DENND2B: variants seen among roughly 807,000 people sequenced by gnomAD.
DENND2B encodes DENN domain-containing protein 2B.
A neutral mutation model predicts 116.0 loss-of-function variants in DENND2B; 32 were observed. The ratio of observed to expected loss-of-function variants is 0.28; its 90% CI spans 0.21 to 0.37. The LOEUF (loss-of-function observed/expected upper bound fraction) is 0.37, where lower values mean the gene tolerates loss of function less well. Among genes scored for constraint, DENND2B ranks in the 10% least tolerant of loss-of-function variants. The pLI, the probability that DENND2B is intolerant of heterozygous loss-of-function variation, is 1.00. For synonymous variants in DENND2B, 588 were observed against 583.9 expected (o/e 1.01, Z -0.10); for missense variants, 1,276 against 1,477.7 (o/e 0.86, Z 2.24).
chr11:8,893,971 G>A (rs1333617917), intron 1 of DENND2B, among the ~76,000 whole-genome samples: 2 of 152,066 alleles, frequency 1.3e-5, no homozygotes, highest in Non-Finnish European at 2.9e-5. Flanking sequence ...CAAAGCTGGA[G>A]GCATCATGCT....
chr11:8,715,627 G>A lies in DENND2B; in HGVS notation c.1821C>T (p.Ser607=). 1 of 1,613,244 alleles carries A rather than the reference G, an allele frequency of 6.2e-7. No individual in the cohort carries two copies. Among genetic ancestry groups the A allele is most frequent in the Non-Finnish European group, 8.5e-7 (1 of 1,179,472 alleles). ...SLSTTSELLS[S]RRARRIPKLV... is the part of the protein sequence containing the mutation. ...CCTTGGGAATGCGGCGGGCCCGGCGGCTGGACAGCAGCTCGCTGGTGGTGC... is the reference window on the plus strand; with the variant it reads ...CCTTGGGAATGCGGCGGGCCCGGCGACTGGACAGCAGCTCGCTGGTGGTGC... Residue 607 remains serine, a synonymous_variant, in exon 6 of 20, where the codon AGC becomes AGT. Transcript: ENST00000313726.
At chr11:8,770,202 T>C (rs748722006) in intron 1 of DENND2B, among the ~76,000 whole-genome samples, 1 of 152,204 alleles carries the variant, frequency 6.6e-6, no homozygotes, top group Non-Finnish European at 1.5e-5. Flanking sequence ...TAGAGTACTT[T>C]ATACTTTTCA....
chr11:8,896,139 C>T (rs1423307811), intron 1 of DENND2B, among the ~76,000 whole-genome samples: 1 of 152,010 alleles, frequency 6.6e-6, no homozygotes, highest in Non-Finnish European at 1.5e-5. Flanking sequence ...AAAATTTTCT[C>T]TAGAACTGGT....
chr11:8,798,820 T>C (rs1222831043), intron 1 of DENND2B, among the ~76,000 whole-genome samples: 1 of 142,068 alleles, frequency 7.0e-6, no homozygotes, highest in Non-Finnish European at 1.5e-5. Flanking sequence ...AACAACAATT[T>C]CCGGTTGCTT....
At chr11:8,898,880 T>C (rs2064132681) in intron 1 of DENND2B, among the ~76,000 whole-genome samples, 1 of 152,170 alleles carries the variant, frequency 6.6e-6, no homozygotes, top group African/African-American at 2.4e-5. Flanking sequence ...GGAAACTTTT[T>C]CTGTAGGGGC....
intron 1 of DENND2B, among the ~76,000 whole-genome samples, chr11:8,790,722 T>C (rs577884607): frequency 2.0e-5 from 3 of 152,258 alleles, no homozygotes; most frequent in Admixed American, 6.5e-5. Context: ...TGAGGTGTGA[T>C]AGCATCACTG....
chr11:8,731,091 G>A lies in DENND2B; in HGVS notation c.199C>T (p.Leu67Phe). 6.2e-7 allele frequency: 1 copy of A among 1,610,194 alleles called. No homozygotes were observed. Among genetic ancestry groups the A allele is most frequent in the East Asian group, 2.2e-5 (1 of 44,818 alleles). ...YPSHSSSRVL[L>F]KDRHPPAPSP... is the part of the protein sequence containing the mutation. Reference sequence around the variant, plus strand: ...GGAGCTGGGGGGTGCCGGTCCTTGAGGAGCACCCGGGAGCTGGAGTGGCTG... The same window carrying A: ...GGAGCTGGGGGGTGCCGGTCCTTGAAGAGCACCCGGGAGCTGGAGTGGCTG... The change falls in exon 3 of 20, where the codon CTC (leucine) becomes TTC (phenylalanine). Residue 67 changes from leucine to phenylalanine, a missense_variant. Around this residue, in one of 2 missense-constraint regions of DENND2B, gnomAD observed 856 missense variants for 846.6 expected, o/e 1.01. Transcript: ENST00000313726.
chr11:8,823,559 C>A (rs778810013), intron 4 of DENND2B, among the ~76,000 whole-genome samples: 11 of 152,084 alleles, frequency 7.2e-5, no homozygotes, highest in Non-Finnish European at 1.5e-4. Context: ...ATTTCCCCCA[C>A]GCTGTTTTCA....
intron 1 of DENND2B, among the ~76,000 whole-genome samples, chr11:8,890,442 T>G (rs1223488532): frequency 1.3e-5 from 2 of 152,160 alleles, no homozygotes; most frequent in African/African-American, 4.8e-5. Flanking sequence ...CAAACTTCTC[T>G]GAGCTAAAGG....
intron 4 of DENND2B, among the ~76,000 whole-genome samples, chr11:8,719,496 T>C (rs1033451697): frequency 2.0e-5 from 3 of 152,360 alleles, no homozygotes; most frequent in South Asian, 4.1e-4. Context: ...GACCTTTTCC[T>C]GTAACACAGT....
rs926846566 is a variant in DENND2B, at chr11:8,697,701, C to T, written c.2941-65G>A. The T allele has an allele frequency of 4.7e-6, 5 of 1,070,866 alleles. No individual in the cohort carries two copies. The African/African-American group carries it at 7.8e-5, about 17-fold the overall frequency. The allele number at this position is 1,070,866 out of a possible 1,614,324, so 66.3% of individuals were successfully genotyped here. Reference sequence around the variant, plus strand: ...ACTGAGCACTTACTATGTGCTAAGACCTGTTAGAAGAGCGTGAGTAGATAA... The same window carrying T: ...ACTGAGCACTTACTATGTGCTAAGATCTGTTAGAAGAGCGTGAGTAGATAA... On this transcript the variant is annotated intron_variant, in intron 16 of 19. Transcript: ENST00000313726.
chr11:8,734,664 C>T (rs2048667983), intron 2 of DENND2B, among the ~76,000 whole-genome samples: 3 of 151,868 alleles, frequency 2.0e-5, no homozygotes, highest in Non-Finnish European at 4.4e-5. Flanking sequence ...TGGCAGGCAA[C>T]TGTAATTGCA....
chr11:8,864,839 G>A (rs1027942793), intron 2 of DENND2B, among the ~76,000 whole-genome samples: 1 of 152,076 alleles, frequency 6.6e-6, no homozygotes, highest in Non-Finnish European at 1.5e-5. Context: ...CTAGTTAGCC[G>A]CCTCCAAAAG....
At chr11:8,776,150 GCGCGCGCGCGCACACACACACACACACA>G (rs1565923160) in intron 1 of DENND2B, 4 of 289,630 alleles carry the variant, frequency 1.4e-5, no homozygotes, top group Non-Finnish European at 2.8e-5. Flanking sequence ...GTGCGCGCAC[GCGCGCGCGCGCACACACACACACACACA>G]CACACACACC....
intron 1 of DENND2B, among the ~76,000 whole-genome samples, chr11:8,890,553 G>A (rs540003557): frequency 3.9e-5 from 6 of 152,278 alleles, no homozygotes; most frequent in African/African-American, 4.8e-5. Flanking sequence ...TAAATGACCT[G>A]ATGGAGCTGA....
At chr11:8,775,432 C>T (rs1475280602) in intron 1 of DENND2B, among the ~76,000 whole-genome samples, 1 of 152,172 alleles carries the variant, frequency 6.6e-6, no homozygotes, top group Non-Finnish European at 1.5e-5. Context: ...GGGAGAGAGG[C>T]AGTTCCCGGG....
rs779212790 is a variant in DENND2B, at chr11:8,702,526, G to A, written c.2720+46C>T. ...AACACTTGCTGATTCGCTTGTGGGT[G>A]TGCCTTCCCCCCTCCCTTCTGCTTT... On this transcript the variant is annotated intron_variant, in intron 14 of 19. Transcript: ENST00000313726. This position sits in a 1 kb window ranked among gnomAD's most constrained non-coding sequence, Gnocchi z 4.6. The A allele has an allele frequency of 1.2e-6, 2 of 1,604,534 alleles. No individual in the cohort carries two copies. The highest frequency in any genetic ancestry group is 2.2e-5 in the South Asian group (2 of 91,026).
At chr11:8,705,480 C>T (rs1274126217) in intron 13 of DENND2B, among the ~76,000 whole-genome samples, 1 of 152,188 alleles carries the variant, frequency 6.6e-6, no homozygotes, top group East Asian at 1.9e-4. Context: ...TGTTCCTCTC[C>T]TGCAGGGCCT....
At chr11:8,797,870 T>A (rs2059972060) in intron 1 of DENND2B, among the ~76,000 whole-genome samples, 1 of 152,136 alleles carries the variant, frequency 6.6e-6, no homozygotes, top group African/African-American at 2.4e-5. Flanking sequence ...CCTTGCTCCC[T>A]ACATTCTAAC....
Sources: gnomAD v4.1 joint callset for allele counts (sites outside exome capture counted in the v4.1 genomes callset) on GRCh38, gnomAD v4.1.1 for gene constraint, gnomAD v4.1.1 regional missense constraint, Gnocchi (gnomAD v3.1) non-coding constraint, MANE v1.5 for transcripts, NCBI Gene and HGNC (gene_info 2026-07-23, HGNC 2026-07-21) for gene names.